Variants in AGTPBP1 observed in about 807,000 individuals in gnomAD.
AGTPBP1 encodes ATP/GTP binding carboxypeptidase 1.
Under a neutral mutation model 143.9 loss-of-function variants are expected in AGTPBP1, and 70 were observed. That is an observed-to-expected ratio of 0.49 (90% CI 0.40 to 0.59). The LOEUF is 0.59. AGTPBP1 is among the 20% of genes least tolerant of loss of function. The pLI, the probability that AGTPBP1 is intolerant of heterozygous loss-of-function variation, is 0.00. For missense variants in AGTPBP1, 1,229 were observed against 1,464.5 expected (o/e 0.84, Z 2.62); for synonymous variants, 463 against 500.2 (o/e 0.93, Z 0.99).
chr9:85,801,940 A>G, the AGTPBP1 span, among the ~76,000 whole-genome samples: 2 of 152,138 alleles, frequency 1.3e-5, no homozygotes, highest in African/African-American at 4.8e-5. Context: ...GTATGTGTAT[A>G]TATGTATGTA....
At chr9:85,801,192 G>T in the AGTPBP1 span, among the ~76,000 whole-genome samples, 1 of 151,940 alleles carries the variant, frequency 6.6e-6, no homozygotes, top group Admixed American at 6.6e-5. Context: ...TGCACCTGTA[G>T]TCCCAGCTAC....
intron 1 of AGTPBP1, 108 bp from the exon 2 acceptor site, chr9:85,712,674 T>C (rs1175901812): frequency 8.8e-6 from 4 of 453,216 alleles, no homozygotes; most frequent in Non-Finnish European, 1.5e-5. Flanking sequence ...CAACACAAGA[T>C]AACACCGGAA....
intron 3 of AGTPBP1, among the ~76,000 whole-genome samples, chr9:85,688,813 G>C (rs1389373037): frequency 6.6e-6 from 1 of 152,118 alleles, no homozygotes; most frequent in African/African-American, 2.4e-5. Context: ...AAATACATAA[G>C]TAGTATATGC....
At chr9:85,676,842 A>T (rs1043687490) in intron 6 of AGTPBP1, among the ~76,000 whole-genome samples, 4 of 152,238 alleles carry the variant, frequency 2.6e-5, no homozygotes, top group Non-Finnish European at 5.9e-5. Flanking sequence ...TACACAATAG[A>T]ATACTATTCA....
the AGTPBP1 span, among the ~76,000 whole-genome samples, chr9:85,783,053 C>T: frequency 7.6e-4 from 115 of 152,028 alleles, no homozygotes; most frequent in Middle Eastern, 0.017. Flanking sequence ...TTTATGCCAC[C>T]GAGTCTACTA....
chr9:85,549,266 G>A (rs1825900873), intron 25 of AGTPBP1, among the ~76,000 whole-genome samples: 1 of 152,172 alleles, frequency 6.6e-6, no homozygotes, highest in Non-Finnish European at 1.5e-5. Context: ...CACAGGGTCT[G>A]GGGAAACCAC....
At chr9:85,745,402 A>G (rs927386956), upstream of AGTPBP1, among the ~76,000 whole-genome samples, 1 of 152,224 alleles carries the variant, frequency 6.6e-6, no homozygotes, top group Non-Finnish European at 1.5e-5. Context: ...CCATTTATTG[A>G]GCACCTCTTA....
At chr9:85,783,996 T>C in the AGTPBP1 span, among the ~76,000 whole-genome samples, 6 of 152,244 alleles carry the variant, frequency 3.9e-5, no homozygotes, top group African/African-American at 1.4e-4. Context: ...CATTCTCCAA[T>C]TGCAGAAAAA....
At chr9:85,788,214 T>G in the AGTPBP1 span, among the ~76,000 whole-genome samples, 1 of 151,992 alleles carries the variant, frequency 6.6e-6, no homozygotes, top group Non-Finnish European at 1.5e-5. Flanking sequence ...AAAAAACGAA[T>G]TTACAAACTA....
At chr9:85,562,196 TC>T (rs898968072) in intron 25 of AGTPBP1, among the ~76,000 whole-genome samples, 2 of 144,600 alleles carry the variant, frequency 1.4e-5, no homozygotes, top group Admixed American at 1.4e-4. Flanking sequence ...AAATCTAAAA[TC>T]AATCTAAAAT....
intron 1 of AGTPBP1, among the ~76,000 whole-genome samples, chr9:85,728,107 A>G (rs988680589): frequency 7.9e-5 from 12 of 151,748 alleles, no homozygotes; most frequent in Admixed American, 3.3e-4. Context: ...GATTCTTGGG[A>G]AAAAAAATCC....
the AGTPBP1 span, among the ~76,000 whole-genome samples, chr9:85,772,210 G>A: frequency 2.8e-5 from 4 of 143,404 alleles, no homozygotes; most frequent in African/African-American, 7.7e-5. Flanking sequence ...TCCTGACCTC[G>A]TGATCCTCCC....
the AGTPBP1 span, chr9:85,753,406 T>C: frequency 6.2e-7 from 1 of 1,613,838 alleles, no homozygotes; most frequent in Non-Finnish European, 8.5e-7. Context: ...TTTGGAAGTA[T>C]AGACCATCTC....
the AGTPBP1 span, among the ~76,000 whole-genome samples, chr9:85,791,267 G>A: frequency 2.2e-4 from 34 of 151,958 alleles, no homozygotes; most frequent in African/African-American, 7.7e-4. Flanking sequence ...CCAGCTACTC[G>A]GGAGGCTGAG....
Position 85,575,323 on chromosome 9 carries a change from T to C in AGTPBP1, c.3495A>G (p.Lys1165=). 2.5e-6 allele frequency: 4 copies of C among 1,586,608 alleles called. No homozygotes were observed. The highest frequency in any genetic ancestry group is 1.7e-6 in the Non-Finnish European group (2 of 1,172,056). The change falls in exon 25 of 26, where the codon AAA becomes AAG. Residue 1165 remains lysine (K), a synonymous_variant. Coordinates refer to ENST00000357081, the MANE Select transcript of AGTPBP1 (RefSeq NM_001330701.2). The part of the protein sequence containing the change: ...FENDLIESSC[K]VTSPTTYVLD... ...AAACAATTTTTTCCTACCTAGTTAC[T>C]TTGCAGCTTGATTCAATTAAATCAT...
At chr9:85,740,410 G>A (rs939455429) in intron 1 of AGTPBP1, among the ~76,000 whole-genome samples, 11 of 152,228 alleles carry the variant, frequency 7.2e-5, no homozygotes, top group African/African-American at 9.6e-5. Flanking sequence ...CCTGCATGAT[G>A]AGAAACAGTG....
chr9:85,714,372 A>G (rs528026337), intron 1 of AGTPBP1, among the ~76,000 whole-genome samples: 24 of 152,322 alleles, frequency 1.6e-4, no homozygotes, highest in African/African-American at 4.3e-4. Flanking sequence ...AATGAAGTGC[A>G]TTTTAGCACT....
At chr9:85,591,709 C>T (rs2133226653) in intron 19 of AGTPBP1, among the ~76,000 whole-genome samples, 1 of 152,144 alleles carries the variant, frequency 6.6e-6, no homozygotes, top group South Asian at 2.1e-4. Flanking sequence ...TCATTTAATG[C>T]TGTCAGCCTC....
intron 1 of AGTPBP1, among the ~76,000 whole-genome samples, chr9:85,723,095 A>T (rs1382944739): frequency 6.6e-6 from 1 of 152,152 alleles, no homozygotes; most frequent in Non-Finnish European, 1.5e-5. Flanking sequence ...GTCAGCCCCT[A>T]CAAGGAGGTG....
Sources: gnomAD v4.1 joint callset for allele counts (sites outside exome capture counted in the v4.1 genomes callset) on GRCh38, gnomAD v4.1.1 for gene constraint, MANE v1.5 for transcripts, NCBI Gene and HGNC (gene_info 2026-07-23, HGNC 2026-07-21) for gene names.